PLCB1: variants seen among roughly 807,000 people sequenced by gnomAD.
The protein encoded by PLCB1 is phospholipase C beta 1.
PLCB1 carries 46 observed loss-of-function variants against 161.8 expected under a neutral mutation model. The ratio of observed to expected loss-of-function variants is 0.28; its 90% CI spans 0.22 to 0.36. The LOEUF (loss-of-function observed/expected upper bound fraction) is 0.36. PLCB1 is among the 10% of genes least tolerant of loss of function. The probability of loss-of-function intolerance (pLI) is 1.00; values close to 1 mark genes in which losing one functional copy is unlikely to be tolerated. For missense variants in PLCB1, 1,016 were observed against 1,472.5 expected, an observed-to-expected ratio of 0.69 and a Z score of 5.07; for synonymous variants, 517 against 503.7, an observed-to-expected ratio of 1.03 and a Z score of -0.35.
chr20:8,326,364 G>T (rs1230290990), intron 2 of PLCB1, among the ~76,000 whole-genome samples: 1 of 152,006 alleles, frequency 6.6e-6, no homozygotes, highest in Non-Finnish European at 1.5e-5. Flanking sequence ...AAGATTGTGG[G>T]GCTGGAAGGT....
At chr20:8,363,092 G>A (rs1568646835) in intron 2 of PLCB1, among the ~76,000 whole-genome samples, 1 of 152,120 alleles carries the variant, frequency 6.6e-6, no homozygotes, top group African/African-American at 2.4e-5. Flanking sequence ...AGGGTGGGTG[G>A]AGTGCCAAGA....
Position 8,167,706 on chromosome 20 carries a change from G to A in PLCB1, c.177+17335G>A, listed in dbSNP as rs553707963. On this transcript the variant is annotated intron_variant, in intron 2 of 31. Transcript: ENST00000338037. ...TAAATTATGAGTTGTCTCTTAAGAGGGATTTCTCTTTTATCTTTTTCTTCT... is the reference window on the plus strand; with the variant it reads ...TAAATTATGAGTTGTCTCTTAAGAGAGATTTCTCTTTTATCTTTTTCTTCT... Among the ~76,000 whole-genome samples, 7 of 152,152 alleles carry A rather than the reference G, an allele frequency of 4.6e-5. No individual in the cohort carries two copies. The South Asian group carries it at 1.5e-3, about 32-fold the overall frequency.
intron 3 of PLCB1, among the ~76,000 whole-genome samples, chr20:8,555,288 CAA>C (rs1985914525): frequency 6.6e-6 from 1 of 151,888 alleles, no homozygotes; most frequent in African/African-American, 2.4e-5. Context: ...GCAAGGTAGG[CAA>C]TGGATCATGA....
intron 2 of PLCB1, among the ~76,000 whole-genome samples, chr20:8,228,469 C>G (rs988156325): frequency 1.3e-4 from 20 of 152,206 alleles, no homozygotes; most frequent in African/African-American, 4.8e-4. Context: ...TCCCCACCCC[C>G]GCATTTGTCC....
At chr20:8,316,616 A>G (rs1984665967) in intron 2 of PLCB1, among the ~76,000 whole-genome samples, 1 of 152,280 alleles carries the variant, frequency 6.6e-6, no homozygotes, top group East Asian at 1.9e-4. Flanking sequence ...CATAGTTATT[A>G]ATCCCAGAAC....
At chr20:8,156,927 A>G (rs924070908) in intron 2 of PLCB1, among the ~76,000 whole-genome samples, 1 of 152,226 alleles carries the variant, frequency 6.6e-6, no homozygotes, top group Non-Finnish European at 1.5e-5. Context: ...ATTAGAGACC[A>G]CAAAAATGTG....
At chr20:8,601,886 G>C (rs538104190) in intron 3 of PLCB1, among the ~76,000 whole-genome samples, 5 of 152,292 alleles carry the variant, frequency 3.3e-5, no homozygotes, top group South Asian at 2.1e-4. Context: ...TTTGAGACCA[G>C]GCTTGTTCTG....
chr20:8,684,261 TTTA>T (rs869207558), intron 9 of PLCB1, among the ~76,000 whole-genome samples: 1 of 149,150 alleles, frequency 6.7e-6, no homozygotes. Context: ...TATTTATTTA[TTTA>T]TTTTTATTTT....
At chr20:8,411,761 C>A (rs776118430) in intron 3 of PLCB1, among the ~76,000 whole-genome samples, 2 of 152,190 alleles carry the variant, frequency 1.3e-5, no homozygotes, top group Non-Finnish European at 2.9e-5. Context: ...CGGTGGCTCA[C>A]TCCTGAAGTC....
At chr20:8,628,796 T>C (rs1164650806) in intron 4 of PLCB1, among the ~76,000 whole-genome samples, 2 of 152,014 alleles carry the variant, frequency 1.3e-5, no homozygotes, top group Non-Finnish European at 2.9e-5. Flanking sequence ...TAGCTGGGTG[T>C]GGTGGCGGGC....
At chr20:8,629,838 T>TG (rs1988485719) in intron 4 of PLCB1, among the ~76,000 whole-genome samples, 1 of 91,280 alleles carries the variant, frequency 1.1e-5, no homozygotes, top group Non-Finnish European at 2.2e-5. Flanking sequence ...TCTTTCTTTC[T>TG]TTCTTTCTTT....
intron 2 of PLCB1, among the ~76,000 whole-genome samples, chr20:8,232,756 G>A (rs554110110): frequency 1.3e-5 from 2 of 152,188 alleles, no homozygotes; most frequent in East Asian, 3.9e-4. Flanking sequence ...CCTAATATTG[G>A]CATTCTCTTG....
chr20:8,201,683 T>C lies in PLCB1; in HGVS notation c.177+51312T>C, dbSNP rs563560077. ...GTAAGGATTTACTTTCTCAAGCAGTTGGAATTCCCAAGCATACTGAAGCAA... is the reference window on the plus strand; with the variant it reads ...GTAAGGATTTACTTTCTCAAGCAGTCGGAATTCCCAAGCATACTGAAGCAA... On this transcript the variant is annotated intron_variant, in intron 2 of 31. Coordinates refer to ENST00000338037, the MANE Select transcript of PLCB1 (RefSeq NM_015192.4). Among the ~76,000 whole-genome samples the C allele has an allele frequency of 1.5e-4, 23 of 152,264 alleles. No homozygotes were observed. The East Asian group carries it at 4.2e-3, about 28-fold the overall frequency.
At chr20:8,148,160 A>C (rs1242082778) in intron 1 of PLCB1, among the ~76,000 whole-genome samples, 2 of 152,134 alleles carry the variant, frequency 1.3e-5, no homozygotes, top group Admixed American at 1.3e-4. Flanking sequence ...AGTCCTCTAG[A>C]AGTGGGAATG....
intron 1 of PLCB1, among the ~76,000 whole-genome samples, chr20:8,137,958 A>G (rs1013365509): frequency 6.6e-6 from 1 of 152,214 alleles, no homozygotes; most frequent in African/African-American, 2.4e-5. Context: ...TTAGATGGCC[A>G]TTGATTGGGT....
intron 19 of PLCB1, 76 bp downstream of exon 19, chr20:8,733,468 G>C: frequency 7.7e-7 from 1 of 1,290,652 alleles, no homozygotes; most frequent in Admixed American, 2.0e-5. Flanking sequence ...AAGTGGCTTA[G>C]TCATTAAAAA....
intron 2 of PLCB1, among the ~76,000 whole-genome samples, chr20:8,327,433 A>G (rs979340166): frequency 5.3e-5 from 8 of 152,188 alleles, no homozygotes; most frequent in Non-Finnish European, 2.9e-5. Context: ...TTCACATTCT[A>G]TTTTGGCCAG....
At chr20:8,841,308 A>G (rs1986495968) in intron 31 of PLCB1, among the ~76,000 whole-genome samples, 1 of 152,228 alleles carries the variant, frequency 6.6e-6, no homozygotes, top group South Asian at 2.1e-4. Flanking sequence ...CATTTTATGG[A>G]GCCATTTCTA....
chr20:8,375,136 G>T (rs982497970), intron 3 of PLCB1, among the ~76,000 whole-genome samples: 17 of 152,174 alleles, frequency 1.1e-4, no homozygotes, highest in Admixed American at 1.0e-3. Context: ...GAACTTGGGA[G>T]ATCTTTATCC....
Sources: gnomAD v4.1 joint callset for allele counts (sites outside exome capture counted in the v4.1 genomes callset) on GRCh38, gnomAD v4.1.1 for gene constraint, MANE v1.5 for transcripts, NCBI Gene and HGNC (gene_info 2026-07-23, HGNC 2026-07-21) for gene names.